SPOCK1: variants seen among roughly 807,000 people sequenced by gnomAD.
SPOCK1 encodes the protein SPARC (osteonectin), cwcv and kazal like domains proteoglycan 1, also known as testican-1.
In SPOCK1, 23 loss-of-function variants were observed where a neutral mutation model predicts 55.3. That is an observed-to-expected ratio of 0.42 (90% confidence interval 0.30 to 0.59). SPOCK1 has a LOEUF of 0.59. SPOCK1 is among the 20% of genes least tolerant of loss of function. The pLI is 0.22. For missense variants in SPOCK1, 499 were observed against 552.5 expected (o/e 0.90, Z 0.97); for synonymous variants, 226 against 221.0 (o/e 1.02, Z -0.20).
intron 6 of SPOCK1, among the ~76,000 whole-genome samples, chr5:137,060,633 T>TA (rs35150237): frequency 0.018 from 2,619 of 149,414 alleles, 32 homozygotes; most frequent in African/African-American, 0.036. Context: ...ATTTTGTACA[T>TA]AAAAAAAAAA....
intron 2 of SPOCK1, among the ~76,000 whole-genome samples, chr5:137,473,185 C>A (rs148219527): frequency 6.8e-4 from 103 of 152,198 alleles, no homozygotes; most frequent in African/African-American, 2.4e-3. Flanking sequence ...ATGAATATGC[C>A]GGAAAATGTT....
chr5:137,219,123 A>G (rs1175871914), intron 3 of SPOCK1, among the ~76,000 whole-genome samples: 1 of 152,184 alleles, frequency 6.6e-6, no homozygotes, highest in Non-Finnish European at 1.5e-5. Context: ...TGCACACAGG[A>G]AATGCTAGCA....
intron 3 of SPOCK1, among the ~76,000 whole-genome samples, chr5:137,207,110 G>T (rs1755532594): frequency 6.6e-6 from 1 of 152,226 alleles, no homozygotes; most frequent in African/African-American, 2.4e-5. Context: ...CCCAGCTCCA[G>T]TCTCAGGTCT....
At chr5:137,297,960 C>G (rs1199272313) in intron 2 of SPOCK1, among the ~76,000 whole-genome samples, 3 of 152,100 alleles carry the variant, frequency 2.0e-5, no homozygotes, top group Admixed American at 2.0e-4. Flanking sequence ...AAACATGATT[C>G]AAAGGCGGTA....
At chr5:137,398,281 G>C (rs759346442) in intron 2 of SPOCK1, among the ~76,000 whole-genome samples, 1 of 152,176 alleles carries the variant, frequency 6.6e-6, no homozygotes, top group Non-Finnish European at 1.5e-5. Flanking sequence ...TTGGTGCCTA[G>C]AGACTAAGTG....
chr5:137,059,429 T>C (rs1367728750), intron 6 of SPOCK1, among the ~76,000 whole-genome samples: 2 of 152,044 alleles, frequency 1.3e-5, no homozygotes, highest in Non-Finnish European at 2.9e-5. Context: ...AAATGCAAAA[T>C]AAATAAATAA....
chr5:137,348,704 A>G (rs187041220), intron 2 of SPOCK1, among the ~76,000 whole-genome samples: 1 of 152,338 alleles, frequency 6.6e-6, no homozygotes, highest in East Asian at 1.9e-4. Flanking sequence ...CAACAATTAC[A>G]TTGCTCCTGT....
At chr5:137,286,192 C>A (rs1051613503) in intron 2 of SPOCK1, among the ~76,000 whole-genome samples, 1 of 152,152 alleles carries the variant, frequency 6.6e-6, no homozygotes, top group Non-Finnish European at 1.5e-5. Context: ...AAGCACAAAG[C>A]CAGACAGGAT....
At chr5:137,379,068 G>C (rs1751399216) in intron 2 of SPOCK1, among the ~76,000 whole-genome samples, 1 of 151,966 alleles carries the variant, frequency 6.6e-6, no homozygotes, top group Admixed American at 6.6e-5. Context: ...TGCAACCCAA[G>C]CCACACTCTT....
chr5:137,311,777 C>CT (rs1348880032), intron 2 of SPOCK1, among the ~76,000 whole-genome samples: 1 of 152,026 alleles, frequency 6.6e-6, no homozygotes, highest in African/African-American at 2.4e-5. Context: ...CCTAGTCAGT[C>CT]TTTTTGTATA....
intron 6 of SPOCK1, among the ~76,000 whole-genome samples, chr5:137,032,600 A>T (rs1445769982): frequency 6.6e-6 from 1 of 152,142 alleles, no homozygotes; most frequent in Non-Finnish European, 1.5e-5. Flanking sequence ...AAATGACGGT[A>T]CTCACGAGAA....
intron 3 of SPOCK1, among the ~76,000 whole-genome samples, chr5:137,173,983 G>A (rs564961073): frequency 5.9e-5 from 9 of 152,290 alleles, no homozygotes; most frequent in East Asian, 3.9e-4. Flanking sequence ...GAAAACTAGC[G>A]CTAACTTATG....
At chr5:137,448,862 C>G (rs1753187971) in intron 2 of SPOCK1, among the ~76,000 whole-genome samples, 1 of 152,212 alleles carries the variant, frequency 6.6e-6, no homozygotes, top group Non-Finnish European at 1.5e-5. Context: ...CTTTCCTCCT[C>G]CCGTGGGGCA....
intron 2 of SPOCK1, among the ~76,000 whole-genome samples, chr5:137,410,012 C>T (rs1752177178): frequency 6.6e-6 from 1 of 152,234 alleles, no homozygotes; most frequent in African/African-American, 2.4e-5. Flanking sequence ...CAATGGCCAC[C>T]ATGAGCCACC....
At chr5:137,279,397 C>G (rs1051510914) in intron 2 of SPOCK1, among the ~76,000 whole-genome samples, 1 of 152,128 alleles carries the variant, frequency 6.6e-6, no homozygotes, top group Non-Finnish European at 1.5e-5. Context: ...TCCATAGAAC[C>G]AGGGAAGATT....
intron 3 of SPOCK1, among the ~76,000 whole-genome samples, chr5:137,218,119 C>T (rs1356027412): frequency 6.6e-6 from 1 of 152,234 alleles, no homozygotes; most frequent in Non-Finnish European, 1.5e-5. Context: ...TCTGACTAAT[C>T]AGAGTTCAAG....
chr5:137,145,941 G>C (rs1412731798), intron 3 of SPOCK1, among the ~76,000 whole-genome samples: 6 of 152,178 alleles, frequency 3.9e-5, no homozygotes, highest in South Asian at 2.1e-4. Flanking sequence ...GAGTAAAAAG[G>C]CTGGAGAAGA....
intron 2 of SPOCK1, among the ~76,000 whole-genome samples, chr5:137,305,022 A>C (rs1422601226): frequency 1.3e-5 from 2 of 152,154 alleles, no homozygotes; most frequent in Admixed American, 1.3e-4. Context: ...TTCCCTCTGA[A>C]AGCTGTAGGG....
At chr5:137,175,785 C>A (rs1364048243) in intron 3 of SPOCK1, among the ~76,000 whole-genome samples, 1 of 152,100 alleles carries the variant, frequency 6.6e-6, no homozygotes, top group Admixed American at 6.6e-5. Context: ...AGCTCCTAAA[C>A]CATCCCATCC....
Sources: gnomAD v4.1 joint callset for allele counts (sites outside exome capture counted in the v4.1 genomes callset) on GRCh38, gnomAD v4.1.1 for gene constraint, MANE v1.5 for transcripts, NCBI Gene and HGNC (gene_info 2026-07-23, HGNC 2026-07-21) for gene names.